The following IPCEF1 variants were observed in gnomAD, a reference collection of about 807,000 sequenced individuals.
The protein encoded by IPCEF1 is interactor protein for cytohesin exchange factors 1.
In IPCEF1, 31 loss-of-function variants were observed where a neutral mutation model predicts 50.9. The observed-to-expected ratio is 0.61, with a 90% CI of 0.46 to 0.82. IPCEF1 has a LOEUF of 0.82. Ranked by LOEUF, IPCEF1 falls within the 40% of genes least tolerant of loss-of-function variation. The pLI, the probability that IPCEF1 is intolerant of heterozygous loss-of-function variation, is 0.00. For synonymous variants in IPCEF1, 181 were observed against 192.0 expected (o/e 0.94, Z 0.47); for missense variants, 458 against 514.0 (o/e 0.89, Z 1.05).
At chr6:154,233,198 G>T (rs1779860223) in intron 5 of IPCEF1, among the ~76,000 whole-genome samples, 1 of 152,046 alleles carries the variant, frequency 6.6e-6, no homozygotes, top group African/African-American at 2.4e-5. Flanking sequence ...CAAACTACTG[G>T]CCTCAAGTGA....
At chr6:154,233,560 A>G (rs1371878895) in intron 5 of IPCEF1, among the ~76,000 whole-genome samples, 1 of 152,218 alleles carries the variant, frequency 6.6e-6, no homozygotes, top group African/African-American at 2.4e-5. Context: ...TTTGGCTAGA[A>G]AAAAGGCCCA....
chr6:154,212,919 G>T (rs778497790), intron 8 of IPCEF1, 64 bp from the exon 9 acceptor site: 4 of 1,130,576 alleles, frequency 3.5e-6, no homozygotes, highest in Non-Finnish European at 5.3e-6. Context: ...TAATGCATGA[G>T]CAGAGGTTTA....
At chr6:154,272,656 A>G (rs969784102) in intron 2 of IPCEF1, among the ~76,000 whole-genome samples, 3 of 152,240 alleles carry the variant, frequency 2.0e-5, no homozygotes, top group Non-Finnish European at 4.4e-5. Context: ...TCCTTCACAT[A>G]TATTAATAAA....
chr6:154,307,869 G>A (rs1176677812), intron 1 of IPCEF1, among the ~76,000 whole-genome samples: 6 of 152,160 alleles, frequency 3.9e-5, no homozygotes, highest in Admixed American at 1.3e-4. Context: ...ACTGTTAGAC[G>A]ACTGAGCTGC....
chr6:154,220,221 G>T (rs1778752829), intron 7 of IPCEF1, among the ~76,000 whole-genome samples: 1 of 152,164 alleles, frequency 6.6e-6, no homozygotes, highest in Admixed American at 6.5e-5. Flanking sequence ...CTGCAATGGG[G>T]CATGTGGTAG....
chr6:154,331,860 G>A (rs1299239861), intron 1 of IPCEF1, among the ~76,000 whole-genome samples: 2 of 152,176 alleles, frequency 1.3e-5, no homozygotes, highest in Non-Finnish European at 2.9e-5. Flanking sequence ...CAAGGGAGGA[G>A]AGACACAAAC....
chr6:154,231,904 T>G (rs1169347408), intron 5 of IPCEF1, among the ~76,000 whole-genome samples: 1 of 152,234 alleles, frequency 6.6e-6, no homozygotes, highest in Non-Finnish European at 1.5e-5. Flanking sequence ...CCTAATTGAA[T>G]GTAAACATGG....
intron 7 of IPCEF1, 69 bp from the exon 8 acceptor site, chr6:154,214,345 A>T (rs910831460): frequency 9.5e-7 from 1 of 1,048,442 alleles, no homozygotes; most frequent in African/African-American, 1.6e-5. Flanking sequence ...CTTCCCCCAG[A>T]GTTTGTTATG....
Position 154,168,170 on chromosome 6 carries a change from A to C in IPCEF1, c.911-57T>G. 2 of 1,348,930 alleles carry C rather than the reference A, an allele frequency of 1.5e-6. No individual in the cohort carries two copies. Among genetic ancestry groups the C allele is most frequent in the Non-Finnish European group, 2.0e-6 (2 of 987,400 alleles). The allele number at this position is 1,348,930 out of a possible 1,614,324, so 83.6% of individuals were successfully genotyped here. A position where few individuals can be genotyped will look rare whatever the true frequency, so the allele number is the denominator to read the frequency against. On this transcript the variant is annotated intron_variant, in intron 10 of 11. Transcript: ENST00000367220. The surrounding 1 kb of genome is among the most constrained non-coding windows in gnomAD (Gnocchi z 4.1). ...ATAAACCCAGTGAAAAATCAAGGAG[A>C]GAACATTCAATACTGTGGTCCCAAG...
chr6:154,319,676 C>T (rs3843917), intron 1 of IPCEF1, among the ~76,000 whole-genome samples: 3 of 151,918 alleles, frequency 2.0e-5, no homozygotes, highest in Admixed American at 6.6e-5. Context: ...AGACGCGAAG[C>T]GGGGAAACAT....
At chr6:154,255,580 A>T (rs1583911339) in intron 3 of IPCEF1, among the ~76,000 whole-genome samples, 1 of 152,216 alleles carries the variant, frequency 6.6e-6, no homozygotes, top group African/African-American at 2.4e-5. Context: ...TTTCTCAAGC[A>T]TGGAAAATTT....
intron 1 of IPCEF1, among the ~76,000 whole-genome samples, chr6:154,325,401 G>C (rs1410191261): frequency 6.6e-6 from 1 of 152,172 alleles, no homozygotes; most frequent in Admixed American, 6.5e-5. Context: ...GATTGCTTCT[G>C]GGGAAGAGAA....
At chr6:154,229,566 C>G (rs908127182) in intron 5 of IPCEF1, among the ~76,000 whole-genome samples, 2 of 151,864 alleles carry the variant, frequency 1.3e-5, no homozygotes, top group African/African-American at 4.8e-5. Flanking sequence ...CCGTGTTAGC[C>G]AGGACGGTCT....
chr6:154,191,491 T>C (rs1218522621), intron 10 of IPCEF1, among the ~76,000 whole-genome samples: 1 of 151,976 alleles, frequency 6.6e-6, no homozygotes, highest in Non-Finnish European at 1.5e-5. Flanking sequence ...CTGGACAACA[T>C]AGTGAAACCC....
At position 154,159,544 on chromosome 6, in the gene IPCEF1, A is replaced by C; in HGVS notation, c.*284T>G. 1 of 418,152 alleles carries C rather than the reference A, an allele frequency of 2.4e-6. No homozygotes were observed. The highest frequency in any genetic ancestry group is 4.2e-6 in the Non-Finnish European group (1 of 236,162). The allele number at this position is 418,152 out of a possible 1,614,324, so 25.9% of individuals were successfully genotyped here. On this transcript the variant is annotated 3_prime_UTR_variant, in exon 12 of 12. Transcript: ENST00000367220. ...GCAATGAACAGAAGAGACATTTCTC[A>C]CATCCCCCCTAGAGCCCCACATCAC...
intron 2 of IPCEF1, among the ~76,000 whole-genome samples, chr6:154,288,676 C>CAAAAAAAAAAAAAAAAAAAAAA (rs558703057): frequency 2.3e-4 from 11 of 46,830 alleles, no homozygotes; most frequent in Non-Finnish European, 3.9e-4. Flanking sequence ...ACAAAAAAAA[C>CAAAAAAAAAAAAAAAAAAAAAA]AAAAAAAAAA....
At chr6:154,191,055 CA>C (rs1164041474) in intron 10 of IPCEF1, among the ~76,000 whole-genome samples, 8 of 151,622 alleles carry the variant, frequency 5.3e-5, no homozygotes, top group African/African-American at 1.7e-4. Context: ...GACTCCATCT[CA>C]AAAAAAGAAA....
intron 5 of IPCEF1, among the ~76,000 whole-genome samples, chr6:154,234,577 C>A (rs1409621822): frequency 6.6e-6 from 1 of 152,172 alleles, no homozygotes; most frequent in African/African-American, 2.4e-5. Context: ...AAAAGTCAAC[C>A]AAGGATATGG....
chr6:154,323,519 C>G (rs75449963), intron 1 of IPCEF1, among the ~76,000 whole-genome samples: 1 of 63,952 alleles, frequency 1.6e-5, no homozygotes, highest in Non-Finnish European at 3.5e-5. Flanking sequence ...TTGGTATTTA[C>G]AAATAAACAT....
Sources: gnomAD v4.1 joint callset for allele counts (sites outside exome capture counted in the v4.1 genomes callset) on GRCh38, gnomAD v4.1.1 for gene constraint, Gnocchi (gnomAD v3.1) non-coding constraint, MANE v1.5 for transcripts, NCBI Gene and HGNC (gene_info 2026-07-23, HGNC 2026-07-21) for gene names.